The following PPARGC1B variants were observed in gnomAD, a reference collection of about 807,000 sequenced individuals.
The protein encoded by PPARGC1B is peroxisome proliferator-activated receptor gamma coactivator 1-beta.
Under a neutral mutation model 101.6 loss-of-function variants are expected in PPARGC1B, and 34 were observed. The observed-to-expected ratio is 0.33, with a 90% CI of 0.25 to 0.45. The LOEUF (loss-of-function observed/expected upper bound fraction) is 0.45, where lower values mean the gene tolerates loss of function less well. Among genes scored for constraint, PPARGC1B ranks in the 20% least tolerant of loss-of-function variants. The pLI, the probability that PPARGC1B is intolerant of heterozygous loss-of-function variation, is 1.00. For missense variants in PPARGC1B, 1,234 were observed against 1,317.6 expected (o/e 0.94, Z 0.98); for synonymous variants, 548 against 539.3 (o/e 1.02, Z -0.22).
chr5:149,760,156 G>A (rs1755668704), intron 1 of PPARGC1B, among the ~76,000 whole-genome samples: 1 of 152,170 alleles, frequency 6.6e-6, no homozygotes, highest in Non-Finnish European at 1.5e-5. Context: ...TCAGCACCAT[G>A]GACACGAATG....
At chr5:149,842,206 C>T (rs1354618979) in intron 9 of PPARGC1B, 50 bp from the exon 10 acceptor site, 15 of 1,599,204 alleles carry the variant, frequency 9.4e-6, no homozygotes, top group Non-Finnish European at 1.3e-5. Flanking sequence ...AGAGGGGCCC[C>T]AGGAAGCCAG....
chr5:149,809,711 AAAAT>A (rs1344893817), intron 1 of PPARGC1B, among the ~76,000 whole-genome samples: 4 of 139,092 alleles, frequency 2.9e-5, no homozygotes, highest in Admixed American at 7.3e-5. Context: ...AAAAAAAAAA[AAAAT>A]TAATCAATTT....
At chr5:149,739,736 C>T (rs1754847089) in intron 1 of PPARGC1B, among the ~76,000 whole-genome samples, 1 of 152,206 alleles carries the variant, frequency 6.6e-6, no homozygotes, top group South Asian at 2.1e-4. Flanking sequence ...TACCACCACC[C>T]CTGGACAGAC....
At chr5:149,816,343 G>T (rs1311095651) in intron 1 of PPARGC1B, among the ~76,000 whole-genome samples, 1 of 152,196 alleles carries the variant, frequency 6.6e-6, no homozygotes, top group Non-Finnish European at 1.5e-5. Flanking sequence ...GTATGGTTTC[G>T]AGGGAAGGAC....
chr5:149,830,067 A>G (rs1408174619), intron 3 of PPARGC1B, among the ~76,000 whole-genome samples: 2 of 148,394 alleles, frequency 1.3e-5, no homozygotes, highest in African/African-American at 5.0e-5. Context: ...AAAAAAAAAA[A>G]AAACAGGGTG....
Position 149,847,554 on chromosome 5 carries a change from A to G in PPARGC1B, c.3068A>G (p.His1023Arg). Reference protein sequence around the residue: ...SLLKEAQQSLH With the variant: ...SLLKEAQQSLR ...CTGAAAGAGGCCCAGCAGAGCCTGCATTGATAACAGCCTTAACCCTCGAGG... is the reference window on the plus strand; with the variant it reads ...CTGAAAGAGGCCCAGCAGAGCCTGCGTTGATAACAGCCTTAACCCTCGAGG... Residue 1023 changes from histidine (H) to arginine (R), a missense_variant, in exon 12 of 12, where the codon CAT becomes CGT. By Grantham distance (29) the His-to-Arg change is conservative. This residue lies in a region of PPARGC1B where 497 missense variants were observed against 529.5 expected (regional missense o/e 0.94). Transcript: ENST00000309241. The G allele has an allele frequency of 2.5e-6, 4 of 1,612,352 alleles. No homozygotes were observed. Among genetic ancestry groups the G allele is most frequent in the South Asian group, 2.2e-5 (2 of 91,040 alleles).
chr5:149,844,578 A>G (rs1241685117), intron 10 of PPARGC1B, among the ~76,000 whole-genome samples: 1 of 152,218 alleles, frequency 6.6e-6, no homozygotes, highest in Non-Finnish European at 1.5e-5. Flanking sequence ...GGCAGAGGCT[A>G]CAGTGAGCTG....
At position 149,851,669 on chromosome 5, in the gene PPARGC1B, T is replaced by G. The variant is rs985512171; in HGVS notation, c.*4111T>G. 6.6e-6 allele frequency: 1 copy of G among 152,192 alleles called. No individual in the cohort carries two copies. 9.4% of individuals were successfully genotyped at this position (152,192 alleles called of 1,614,324 possible). A position where few individuals can be genotyped will look rare whatever the true frequency, so the allele number is the denominator to read the frequency against. ...GAAGAAAACTAGTGCATGTGCAATA[T>G]GTCAAAGTTAGTCCCCTAGTCCCTG... On this transcript the variant is annotated 3_prime_UTR_variant, in exon 12 of 12. Transcript: ENST00000309241.
intron 1 of PPARGC1B, among the ~76,000 whole-genome samples, chr5:149,819,528 A>G (rs1172948247): frequency 6.6e-6 from 1 of 151,720 alleles, no homozygotes; most frequent in Non-Finnish European, 1.5e-5. Flanking sequence ...TTTTTGAGAC[A>G]GTTTCCATCT....
chr5:149,759,290 C>G lies in PPARGC1B; in HGVS notation c.78+28870C>G, dbSNP rs191774663. On this transcript the variant is annotated intron_variant, in intron 1 of 11. Transcript: ENST00000309241. Reference sequence around the variant, plus strand: ...GCTTGAGATTCTGTTTTGTGGTTTGCACTTCTCTCTTCTTGAGAGCCAGTT... The same window carrying G: ...GCTTGAGATTCTGTTTTGTGGTTTGGACTTCTCTCTTCTTGAGAGCCAGTT... Among the ~76,000 whole-genome samples the G allele has an allele frequency of 1.7e-3, 256 of 152,256 alleles. 3 individuals carry two copies. The highest frequency in any genetic ancestry group is 5.9e-3 in the African/African-American group (246 of 41,536).
At chr5:149,799,771 C>T (rs1232380184) in intron 1 of PPARGC1B, among the ~76,000 whole-genome samples, 1 of 130,936 alleles carries the variant, frequency 7.6e-6, no homozygotes, top group Non-Finnish European at 1.6e-5. Context: ...AATCTCAGCT[C>T]ACTGCAACCT....
At chr5:149,836,181 G>A (rs1759064922) in intron 7 of PPARGC1B, 82 bp from the exon 8 acceptor site, 6 of 1,224,916 alleles carry the variant, frequency 4.9e-6, no homozygotes, top group Admixed American at 2.3e-5. Flanking sequence ...GAGCTACCAG[G>A]CTTGGCCCCA....
At chr5:149,758,343 ATGCTTAC>A (rs1755609157) in intron 1 of PPARGC1B, among the ~76,000 whole-genome samples, 1 of 152,246 alleles carries the variant, frequency 6.6e-6, no homozygotes, top group Non-Finnish European at 1.5e-5. Context: ...TATTTAACAA[ATGCTTAC>A]TGAGTCATCA....
chr5:149,731,455 G>A (rs980757360), intron 1 of PPARGC1B, among the ~76,000 whole-genome samples: 1 of 152,192 alleles, frequency 6.6e-6, no homozygotes, highest in African/African-American at 2.4e-5. Flanking sequence ...CTGAGGATGC[G>A]GCGGAACCTC....
At chr5:149,836,127 A>C in intron 7 of PPARGC1B, 136 bp from the exon 8 acceptor site, 1 of 717,828 alleles carries the variant, frequency 1.4e-6, no homozygotes, top group South Asian at 2.1e-5. Context: ...GGCCTCAAGT[A>C]ATCCACCCAC....
intron 1 of PPARGC1B, among the ~76,000 whole-genome samples, chr5:149,738,238 T>C (rs1754796274): frequency 6.6e-6 from 1 of 152,086 alleles, no homozygotes; most frequent in African/African-American, 2.4e-5. Flanking sequence ...ATAACAGACA[T>C]TTAATCAGTC....
chr5:149,748,144 G>A (rs1755154099), intron 1 of PPARGC1B, among the ~76,000 whole-genome samples: 1 of 152,114 alleles, frequency 6.6e-6, no homozygotes. Flanking sequence ...AGGGTCTGAG[G>A]GCAAGTGGGA....
At chr5:149,760,807 C>T (rs548539680) in intron 1 of PPARGC1B, among the ~76,000 whole-genome samples, 1 of 152,284 alleles carries the variant, frequency 6.6e-6, no homozygotes, top group East Asian at 1.9e-4. Flanking sequence ...TAGCAGGTCC[C>T]TTTTGACTTG....
intron 1 of PPARGC1B, among the ~76,000 whole-genome samples, chr5:149,777,594 C>A (rs949904351): frequency 1.3e-5 from 2 of 152,080 alleles, no homozygotes; most frequent in African/African-American, 4.8e-5. Flanking sequence ...CCTCATGGGT[C>A]CCAGAGGCCT....
Sources: allele counts gnomAD v4.1 joint callset (sites outside exome capture counted in the v4.1 genomes callset), GRCh38; gene constraint gnomAD v4.1.1; regional missense constraint gnomAD v4.1.1; transcripts MANE v1.5; gene names NCBI Gene and HGNC (gene_info 2026-07-23, HGNC 2026-07-21).